CDH15: variants seen among roughly 807,000 people sequenced by gnomAD.
The protein encoded by CDH15 is cadherin-15.
In CDH15, 73 loss-of-function variants were observed where a neutral mutation model predicts 69.4. That is an observed-to-expected ratio of 1.05 (90% CI 0.87 to 1.28). The LOEUF (loss-of-function observed/expected upper bound fraction) is 1.28, where lower values mean the gene tolerates loss of function less well. Among genes scored for constraint, CDH15 ranks in the 50% most tolerant of loss-of-function variants. The probability of loss-of-function intolerance (pLI) is 0.00; values close to 1 mark genes in which losing one functional copy is unlikely to be tolerated. For missense variants in CDH15, 1,343 were observed against 1,133.6 expected (o/e 1.18, Z -2.65); for synonymous variants, 624 against 507.7 (o/e 1.23, Z -3.08).
chr16:89,172,784 G>A (rs1023596424), intron 1 of CDH15, among the ~76,000 whole-genome samples: 13 of 152,198 alleles, frequency 8.5e-5, no homozygotes, highest in Admixed American at 7.9e-4. Flanking sequence ...GGGCATGGCC[G>A]GCTGTGGTTG....
rs538893498 is a variant in CDH15 at position 89,189,376 on chromosome 16, C to T, written c.979-867C>T. Among the ~76,000 whole-genome samples the T allele has an allele frequency of 1.1e-3, 166 of 152,082 alleles. 1 individual carries two copies. Among genetic ancestry groups the T allele is most frequent in the Middle Eastern group, 6.8e-3 (2 of 292 alleles). On this transcript the variant is annotated intron_variant, in intron 7 of 13. Transcript: ENST00000289746. ...AGATGCCGGCACACACAGATGCTGG[C>T]GCACACAGATGCCCACACACAGATG...
At chr16:89,178,647 T>G (rs66754614) in intron 1 of CDH15, among the ~76,000 whole-genome samples, 48,286 of 151,096 alleles carry the variant, frequency 0.32, 8,520 homozygotes, top group East Asian at 0.77. Flanking sequence ...CCCTGACGTG[T>G]TGGGACCTGA....
intron 1 of CDH15, among the ~76,000 whole-genome samples, chr16:89,173,901 G>A (rs1915206818): frequency 6.6e-6 from 1 of 152,238 alleles, no homozygotes; most frequent in African/African-American, 2.4e-5. Flanking sequence ...GAGGTCTGGG[G>A]CAGCACACTT....
chr16:89,187,693 G>A lies in CDH15; in HGVS notation c.792+136G>A, dbSNP rs78834094. 7.2e-3 allele frequency: 9,422 copies of A among 1,309,302 alleles called. 551 individuals are homozygous for A. The African/African-American group carries it at 0.12, about 17-fold the overall frequency. The allele number at this position is 1,309,302 out of a possible 1,614,324, so 81.1% of individuals were successfully genotyped here. A position where few individuals can be genotyped will look rare whatever the true frequency, so the allele number is the denominator to read the frequency against. On this transcript the variant is annotated intron_variant, in intron 6 of 13. Coordinates refer to ENST00000289746, the MANE Select transcript of CDH15 (RefSeq NM_004933.3). ...TTTGGAGAAGGAACTCCGCGTGGGC[G>A]GGTGGAAGCCCAAGCTGGAGGGGCC...
At chr16:89,188,809 TGCTG>T (rs1335351840) in intron 7 of CDH15, among the ~76,000 whole-genome samples, 2 of 86,944 alleles carry the variant, frequency 2.3e-5, no homozygotes, top group African/African-American at 4.7e-5. Context: ...CCCACACACA[TGCTG>T]GCACACAGAT....
chr16:89,184,790 G>A (rs955394688), intron 4 of CDH15, among the ~76,000 whole-genome samples: 11 of 152,126 alleles, frequency 7.2e-5, no homozygotes, highest in Admixed American at 2.6e-4. Context: ...GGAGGCCCCC[G>A]CTAGCTAGCC....
chr16:89,180,864 C>T (rs1283630642), intron 3 of CDH15, among the ~76,000 whole-genome samples: 1 of 152,184 alleles, frequency 6.6e-6, no homozygotes, highest in African/African-American at 2.4e-5. Context: ...GCTGGGACTA[C>T]AGGCCCCTGC....
In CDH15 at chr16:89,193,907, C is replaced by T. The variant is rs1432678914; in HGVS notation, c.2145C>T (p.Ile715=). Residue 715 remains isoleucine, a synonymous_variant, in exon 13 of 14, where the codon ATC becomes ATT. Coordinates refer to ENST00000289746, the MANE Select transcript of CDH15 (RefSeq NM_004933.3). ...GCCCCCTGGACATCGCCGACTTCAT[C>T]AATGATGTAGGTGCTCCTGGGGACA... The part of the protein sequence containing the change: ...PTSPLDIADF[I]NDGLEAADSD... 1.9e-6 allele frequency: 3 copies of T among 1,612,140 alleles called. No individual in the cohort carries two copies. Among genetic ancestry groups the T allele is most frequent in the African/African-American group, 2.7e-5 (2 of 75,052 alleles).
chr16:89,172,193 G>T (rs1915171787), intron 1 of CDH15, among the ~76,000 whole-genome samples: 1 of 152,176 alleles, frequency 6.6e-6, no homozygotes. Flanking sequence ...GGGTCTGGGG[G>T]TTGCCAGTCT....
chr16:89,187,695 GTGGAA>G, intron 6 of CDH15, 138 bp downstream of exon 6: 2 of 1,285,756 alleles, frequency 1.6e-6, no homozygotes, highest in Non-Finnish European at 2.2e-6. Flanking sequence ...GCGTGGGCGG[GTGGAA>G]GCCCAAGCTG....
At chr16:89,189,343 C>CCACACACAGATGCCGG (rs1555593208) in intron 7 of CDH15, among the ~76,000 whole-genome samples, 10,391 of 124,344 alleles carry the variant, frequency 0.084, 826 homozygotes, top group African/African-American at 0.18. Context: ...ACACAGATGC[C>CCACACACAGATGCCGG]CACACACAGA....
Position 89,179,468 on chromosome 16 carries a change from A to G in CDH15, c.95A>G (p.Tyr32Cys). 1 of 1,613,382 alleles carries G rather than the reference A, an allele frequency of 6.2e-7. No individual in the cohort carries two copies. The highest frequency in any genetic ancestry group is 8.5e-7 in the Non-Finnish European group (1 of 1,179,856). Residue 32 changes from tyrosine (Y) to cysteine (C), a missense_variant, in exon 2 of 14, where the codon TAC becomes TGC. Tyr to Cys is a radical substitution (Grantham distance 194). Coordinates refer to ENST00000289746, the MANE Select transcript of CDH15 (RefSeq NM_004933.3). Reference protein sequence around the residue: ...VPGWRRPTTLYPWRRAPALSR... With the variant: ...VPGWRRPTTLCPWRRAPALSR... ...GGATGGAGGAGGCCCACCACCCTGT[A>G]CCCCTGGCGCCGGGCGCCTGCCCTG... is the stretch of plus-strand genomic sequence containing the variant.
rs1567777111 is a variant in CDH15 at position 89,192,486 on chromosome 16, G to A, written c.1855+42G>A. 3.9e-6 allele frequency: 6 copies of A among 1,555,488 alleles called. No homozygotes were observed. The African/African-American group carries it at 5.4e-5, about 14-fold the overall frequency. On this transcript the variant is annotated intron_variant, in intron 11 of 13. Transcript: ENST00000289746. ...CCTCCACCTGGACCCTCGGACCCTC[G>A]GACCCTCCTCCCCAGGCCGTCCCCT...
chr16:89,187,429 G>C lies in CDH15; in HGVS notation c.664G>C (p.Val222Leu), dbSNP rs751992823. The C allele has an allele frequency of 6.2e-7, 1 of 1,612,764 alleles. No homozygotes were observed. Among genetic ancestry groups the C allele is most frequent in the East Asian group, 2.2e-5 (1 of 44,878 alleles). The stretch of plus-strand genomic sequence containing the variant: ...CTGACCCTGTGCCCCACATCCCCAG[G>C]TGGTCGCGGTGTACAATCTGACCCT... ...RTVQVGLDRE[V>L]VAVYNLTLQV... is the part of the protein sequence containing the mutation. Residue 222 changes from valine to leucine, a missense_variant and splice_region_variant, in exon 6 of 14, where the codon GTG becomes CTG. Val to Leu is a conservative substitution (Grantham distance 32, BLOSUM62 1). Coordinates refer to ENST00000289746, the MANE Select transcript of CDH15 (RefSeq NM_004933.3).
At chr16:89,190,185 G>A (rs1597310811) in intron 7 of CDH15, 58 bp from the exon 8 acceptor site, 3 of 1,589,578 alleles carry the variant, frequency 1.9e-6, no homozygotes, top group Admixed American at 3.5e-5. Flanking sequence ...CATGGCACCT[G>A]CCCTCGGGTG....
In CDH15 at chr16:89,188,100, T is replaced by C; in HGVS notation, c.793T>C (p.Phe265Leu). The change falls in exon 7 of 14, where the codon TTC becomes CTC. Residue 265 changes from phenylalanine to leucine, a missense_variant and splice_region_variant. Coordinates refer to ENST00000289746, the MANE Select transcript of CDH15 (RefSeq NM_004933.3). ...DNAPEFTRDE[F>L]FMEAIEAVSG... ...ACTGGGGCTGGGATCCCCCACCCAG[T>C]TCTTCATGGAGGCCATAGAGGCCGT... 6.2e-7 allele frequency: 1 copy of C among 1,609,962 alleles called. No homozygotes were observed. The highest frequency in any genetic ancestry group is 8.5e-7 in the Non-Finnish European group (1 of 1,178,616).
At chr16:89,172,811 A>G (rs575580210) in intron 1 of CDH15, among the ~76,000 whole-genome samples, 223 of 152,248 alleles carry the variant, frequency 1.5e-3, no homozygotes, top group African/African-American at 5.1e-3. Context: ...CACTGGGTAC[A>G]AGAGGGCAGC....
chr16:89,176,359 T>C (rs72819355), intron 1 of CDH15, among the ~76,000 whole-genome samples: 7,160 of 152,070 alleles, frequency 0.047, 293 homozygotes, highest in East Asian at 0.18. Context: ...TCAGAGTAGC[T>C]GTCGACACCT....
At position 89,195,216 on chromosome 16, in the gene CDH15, G is replaced by C; in HGVS notation, c.*61G>C. On this transcript the variant is annotated 3_prime_UTR_variant, in exon 14 of 14. Transcript: ENST00000289746. The stretch of plus-strand genomic sequence containing the variant: ...TCGTGGCAGTGATGGCCCCTGCAGA[G>C]GCAGCCTGAGGTCACCGGGCCCGAC... 6.8e-7 allele frequency: 1 copy of C among 1,468,172 alleles called. No homozygotes were observed. Among genetic ancestry groups the C allele is most frequent in the Non-Finnish European group, 9.0e-7 (1 of 1,109,194 alleles). The allele number at this position is 1,468,172 out of a possible 1,614,324, so 90.9% of individuals were successfully genotyped here. A position where few individuals can be genotyped will look rare whatever the true frequency, so the allele number is the denominator to read the frequency against.
Sources: allele counts gnomAD v4.1 joint callset (sites outside exome capture counted in the v4.1 genomes callset), GRCh38; gene constraint gnomAD v4.1.1; transcripts MANE v1.5; gene names NCBI Gene and HGNC (gene_info 2026-07-23, HGNC 2026-07-21).